The following SLC35E2B variants were observed in gnomAD, a reference collection of about 807,000 sequenced individuals.
SLC35E2B encodes the protein solute carrier family 35 member E2B.
Under a neutral mutation model 32.4 loss-of-function variants are expected in SLC35E2B, and 18 were observed. That is an observed-to-expected ratio of 0.56 (90% confidence interval 0.38 to 0.82). SLC35E2B has a LOEUF of 0.82. Ranked by LOEUF, SLC35E2B falls within the 40% of genes least tolerant of loss-of-function variation. The probability of loss-of-function intolerance (pLI) is 0.00; values close to 1 mark genes in which losing one functional copy is unlikely to be tolerated. For missense variants in SLC35E2B, 263 were observed against 469.5 expected (o/e 0.56, Z 4.06); for synonymous variants, 132 against 209.1 (o/e 0.63, Z 3.18).
chr1:1,671,493 CT>C lies in SLC35E2B; in HGVS notation c.707+15del, dbSNP rs772550019. 3.4e-6 allele frequency: 5 copies of C among 1,486,338 alleles called. No individual in the cohort carries two copies. The South Asian group carries it at 6.6e-5, about 20-fold the overall frequency. 92.1% of individuals were successfully genotyped at this position (1,486,338 alleles called of 1,614,324 possible). A position where few individuals can be genotyped will look rare whatever the true frequency, so the allele number is the denominator to read the frequency against. ...CGGGTCTCGTCCCCCTCACGCCCAC[CT>C]TCTCTGTGACTCACCAGTCCATGAT... On this transcript the variant is annotated intron_variant, in intron 6 of 9. Transcript: ENST00000617444.
At chr1:1,686,686 A>C (rs1325760480) in intron 2 of SLC35E2B, among the ~76,000 whole-genome samples, 1 of 151,940 alleles carries the variant, frequency 6.6e-6, no homozygotes, top group Non-Finnish European at 1.5e-5. Flanking sequence ...GAATCACTTG[A>C]ACCTAGAAGA....
At chr1:1,666,411 G>A (rs751856344) in intron 9 of SLC35E2B, among the ~76,000 whole-genome samples, 1 of 152,168 alleles carries the variant, frequency 6.6e-6, no homozygotes, top group Non-Finnish European at 1.5e-5. Context: ...TCATCCAATC[G>A]AGGTGGGTCT....
At chr1:1,668,986 A>T (rs1464087666) in intron 8 of SLC35E2B, among the ~76,000 whole-genome samples, 2 of 147,534 alleles carry the variant, frequency 1.4e-5, no homozygotes, top group African/African-American at 5.0e-5. Flanking sequence ...GTGAGATATC[A>T]TCTCCAAAAA....
At chr1:1,667,936 T>C (rs1367476878) in intron 9 of SLC35E2B, among the ~76,000 whole-genome samples, 3 of 151,162 alleles carry the variant, frequency 2.0e-5, no homozygotes, top group East Asian at 1.9e-4. Flanking sequence ...CACTGTAACC[T>C]CCGGCTCCTG....
At chr1:1,668,714 C>G (rs1643607305) in intron 8 of SLC35E2B, among the ~76,000 whole-genome samples, 1 of 152,046 alleles carries the variant, frequency 6.6e-6, no homozygotes, top group African/African-American at 2.4e-5. Context: ...TGCAAATGGA[C>G]AACAAGCACA....
intron 2 of SLC35E2B, among the ~76,000 whole-genome samples, chr1:1,677,460 C>G (rs1473513997): frequency 2.0e-5 from 3 of 151,202 alleles, no homozygotes; most frequent in African/African-American, 7.3e-5. Flanking sequence ...GGACTAATTC[C>G]ATGCTACTTT....
At chr1:1,666,116 G>C in intron 9 of SLC35E2B, 97 bp from the exon 10 acceptor site, 1 of 1,377,352 alleles carries the variant, frequency 7.3e-7, no homozygotes, top group Non-Finnish European at 9.8e-7. Flanking sequence ...GAGGCTGGGT[G>C]GGGTTGGGGG....
chr1:1,674,398 T>A (rs1189956896), intron 5 of SLC35E2B: 1 of 152,202 alleles, frequency 6.6e-6, no homozygotes, highest in Non-Finnish European at 1.5e-5. Flanking sequence ...GTTCCAAGTT[T>A]CAATTGTTAA....
Position 1,661,538 on chromosome 1 carries a change from C to G in SLC35E2B, c.*4244G>C. Reference sequence around the variant, plus strand: ...GAATCATAGACAGCTACTACCACGGCTGCTTCGTTTGGACAAAAATAACGA... The same window carrying G: ...GAATCATAGACAGCTACTACCACGGGTGCTTCGTTTGGACAAAAATAACGA... On this transcript the variant is annotated 3_prime_UTR_variant, in exon 10 of 10. Transcript: ENST00000617444. 12 of 781,206 alleles carry G rather than the reference C, an allele frequency of 1.5e-5. 1 individual carries two copies. Among genetic ancestry groups the G allele is most frequent in the Non-Finnish European group, 1.7e-5 (11 of 639,828 alleles). The allele number at this position is 781,206 out of a possible 1,614,324, so 48.4% of individuals were successfully genotyped here. A position where few individuals can be genotyped will look rare whatever the true frequency, so the allele number is the denominator to read the frequency against.
At chr1:1,680,251 T>C (rs768571912) in intron 2 of SLC35E2B, among the ~76,000 whole-genome samples, 1 of 150,740 alleles carries the variant, frequency 6.6e-6, no homozygotes, top group Non-Finnish European at 1.5e-5. Flanking sequence ...CAGTGAGCCG[T>C]GATTGTGCCA....
At chr1:1,689,175 A>C (rs905656322) in intron 2 of SLC35E2B, among the ~76,000 whole-genome samples, 2 of 152,116 alleles carry the variant, frequency 1.3e-5, no homozygotes, top group African/African-American at 2.4e-5. Context: ...GTCTCAAAAA[A>C]AAACAAACAA....
chr1:1,665,785 G>C lies in SLC35E2B; in HGVS notation c.1215C>G (p.Pro405=), dbSNP rs570487607. Residue 405 remains proline, a synonymous_variant, in exon 10 of 10, where the codon CCC becomes CCG. Coordinates refer to ENST00000617444, the MANE Select transcript of SLC35E2B (RefSeq NM_001290264.2). ...PLLPQDPRQH[P] ...AGCAGCTGGCAGCTTCCTGCTCTCA[G>C]GGATGCTGCCTGGGGTCCTGTGGAA... The C allele has an allele frequency of 6.1e-5, 94 of 1,550,198 alleles. No homozygotes were observed. The highest frequency in any genetic ancestry group is 1.4e-4 in the Admixed American group (7 of 50,988).
chr1:1,669,523 C>G, intron 8 of SLC35E2B, 141 bp downstream of exon 8: 1 of 703,846 alleles, frequency 1.4e-6, no homozygotes, highest in African/African-American at 1.8e-5. Flanking sequence ...GCTCCCAGGG[C>G]AACTCAGCTA....
Position 1,665,922 on chromosome 1 carries a change from CCAGGGCTGTGCCAACGGCCGA to C in SLC35E2B, c.1057_1077del (p.Ser353_Leu359del). On this transcript the variant is annotated inframe_deletion, in exon 10 of 10. Transcript: ENST00000617444. Reference sequence around the variant, plus strand: ...TTGTAGAGCAGGACCCCAACGGTCACCAGGGCTGTGCCAACGGCCGACAAGCTGGTGATCTTGTTGCCGAAA... The same window carrying C: ...TTGTAGAGCAGGACCCCAACGGTCACCAAGCTGGTGATCTTGTTGCCGAAA... The C allele has an allele frequency of 6.4e-7, 1 of 1,551,442 alleles. No individual in the cohort carries two copies. Among genetic ancestry groups the C allele is most frequent in the Non-Finnish European group, 8.7e-7 (1 of 1,146,990 alleles).
rs1643533349 is a variant in SLC35E2B at position 1,665,947 on chromosome 1, G to C, written c.1053C>G (p.Ser351Arg). The change falls in exon 10 of 10, where the codon AGC becomes AGG. Residue 351 changes from serine to arginine, a missense_variant. Transcript: ENST00000617444. ...SVIVFGNKIT[S>R]LSAVGTALVT... Reference sequence around the variant, plus strand: ...CCAGGGCTGTGCCAACGGCCGACAAGCTGGTGATCTTGTTGCCGAAAACGA... The same window carrying C: ...CCAGGGCTGTGCCAACGGCCGACAACCTGGTGATCTTGTTGCCGAAAACGA... 1.3e-6 allele frequency: 2 copies of C among 1,551,476 alleles called. No individual in the cohort carries two copies. The highest frequency in any genetic ancestry group is 2.0e-5 in the Admixed American group (1 of 50,992).
intron 2 of SLC35E2B, among the ~76,000 whole-genome samples, chr1:1,684,218 T>C (rs1053337281): frequency 2.0e-5 from 3 of 152,122 alleles, no homozygotes; most frequent in African/African-American, 7.2e-5. Context: ...CTCATCCACC[T>C]CCGCGTGCTG....
chr1:1,683,471 AGAGACGCGCAGGCAAGG>A (rs1643917354), intron 2 of SLC35E2B, among the ~76,000 whole-genome samples: 2 of 152,268 alleles, frequency 1.3e-5, no homozygotes, highest in East Asian at 3.9e-4. Flanking sequence ...AGCCGGCCGC[AGAGACGCGCAGGCAAGG>A]CCTGGGCAGG....
chr1:1,674,937 A>G (rs1366514491), intron 5 of SLC35E2B, among the ~76,000 whole-genome samples: 1 of 152,124 alleles, frequency 6.6e-6, no homozygotes, highest in Non-Finnish European at 1.5e-5. Context: ...TGGGGCTGAC[A>G]TGTCGCTGGA....
At chr1:1,671,486 C>T (rs1293832791) in intron 6 of SLC35E2B, 23 bp downstream of exon 6, 17 of 1,464,868 alleles carry the variant, frequency 1.2e-5, no homozygotes, top group Middle Eastern at 3.5e-4. Flanking sequence ...GTCCCCCTCA[C>T]GCCCACCTTC....
Sources: allele counts gnomAD v4.1 joint callset (sites outside exome capture counted in the v4.1 genomes callset), GRCh38; gene constraint gnomAD v4.1.1; transcripts MANE v1.5; gene names NCBI Gene and HGNC (gene_info 2026-07-23, HGNC 2026-07-21).